The following MRC1 variants were observed in gnomAD, a reference collection of about 807,000 sequenced individuals.
MRC1 encodes the protein macrophage mannose receptor 1.
Under a neutral mutation model 102.9 loss-of-function variants are expected in MRC1, and 62 were observed. The observed-to-expected ratio is 0.60, with a 90% CI of 0.49 to 0.74. The LOEUF is 0.74. Among genes scored for constraint, MRC1 ranks in the 30% least tolerant of loss-of-function variants. MRC1 has a pLI of 0.00. For synonymous variants in MRC1, 457 were observed against 298.4 expected, an observed-to-expected ratio of 1.53 and a Z score of -5.48; for missense variants, 1,237 against 862.8, an observed-to-expected ratio of 1.43 and a Z score of -5.43.
intron 3 of MRC1, among the ~76,000 whole-genome samples, chr10:17,831,874 TAC>T (rs2130609004): frequency 6.6e-6 from 1 of 151,742 alleles, no homozygotes; most frequent in East Asian, 1.9e-4. Flanking sequence ...ATTGGCCGCT[TAC>T]AGAGTACAAC....
At position 17,907,588 on chromosome 10, in the gene MRC1, G is replaced by A; in HGVS notation, c.3968G>A (p.Gly1323Glu). The A allele has an allele frequency of 1.3e-6, 1 of 780,880 alleles. No individual in the cohort carries two copies. Among genetic ancestry groups the A allele is most frequent in the Non-Finnish European group, 2.4e-6 (1 of 417,962 alleles). The allele number at this position is 780,880 out of a possible 1,614,324, so 48.4% of individuals were successfully genotyped here. ...GTCTCCTTTGTCAACTGGAACACAG[G>A]AGATCCCTCTGGTGAACGGAATGAT... Reference protein sequence around the residue: ...SPVSFVNWNTGDPSGERNDCV... With the variant: ...SPVSFVNWNTEDPSGERNDCV... Residue 1323 changes from glycine to glutamate, a missense_variant, in exon 28 of 30, where the codon GGA becomes GAA. Transcript: ENST00000569591.
chr10:17,835,115 C>G (rs932018400), intron 4 of MRC1, among the ~76,000 whole-genome samples: 1 of 152,158 alleles, frequency 6.6e-6, no homozygotes, highest in African/African-American at 2.4e-5. Context: ...TCTTGGATTC[C>G]TTGTTTTTCC....
At chr10:17,852,271 A>G (rs1220039458) in intron 7 of MRC1, among the ~76,000 whole-genome samples, 1 of 152,126 alleles carries the variant, frequency 6.6e-6, no homozygotes, top group Non-Finnish European at 1.5e-5. Context: ...TTTTACCCTC[A>G]TTTGTTATTT....
In MRC1 at chr10:17,863,574, C is replaced by T. The variant is rs1424114951; in HGVS notation, c.1675C>T (p.Pro559Ser). ...AFLTSFVGLR[P>S]EKYFWTGLSD... ...CCTGACTAGTTTCGTTGGCTTAAGGCCTGAAAAATATTTCTGGACAGGACT... is the reference window on the plus strand; with the variant it reads ...CCTGACTAGTTTCGTTGGCTTAAGGTCTGAAAAATATTTCTGGACAGGACT... Residue 559 changes from proline to serine, a missense_variant, in exon 11 of 30, where the codon CCT (proline) becomes TCT (serine). Physicochemically the swap from Pro to Ser is moderately conservative, Grantham distance 74. Transcript: ENST00000569591. The T allele has an allele frequency of 1.9e-5, 15 of 780,648 alleles. No homozygotes were observed. The highest frequency in any genetic ancestry group is 3.4e-5 in the African/African-American group (2 of 59,090). The allele number at this position is 780,648 out of a possible 1,614,324, so 48.4% of individuals were successfully genotyped here.
chr10:17,822,039 T>C (rs922610233), intron 1 of MRC1, among the ~76,000 whole-genome samples: 1 of 152,162 alleles, frequency 6.6e-6, no homozygotes. Flanking sequence ...AATTTTGATT[T>C]AATTAAAGGA....
At chr10:17,883,053 C>T (rs1296774543) in intron 21 of MRC1, among the ~76,000 whole-genome samples, 2 of 152,136 alleles carry the variant, frequency 1.3e-5, no homozygotes, top group African/African-American at 4.8e-5. Context: ...TTCCATGTTT[C>T]ATTTCAAGCT....
intron 5 of MRC1, among the ~76,000 whole-genome samples, chr10:17,841,552 T>A (rs1250557237): frequency 6.6e-6 from 1 of 152,152 alleles, no homozygotes; most frequent in Non-Finnish European, 1.5e-5. Flanking sequence ...ACTAATTATT[T>A]CTACATTGTC....
At chr10:17,877,104 A>G (rs1564622075) in intron 17 of MRC1, among the ~76,000 whole-genome samples, 2 of 149,464 alleles carry the variant, frequency 1.3e-5, no homozygotes, top group East Asian at 3.9e-4. Context: ...AAAATCAAAT[A>G]TATCTATATA....
At chr10:17,906,099 A>G (rs1833891207) in intron 26 of MRC1, among the ~76,000 whole-genome samples, 1 of 152,134 alleles carries the variant, frequency 6.6e-6, no homozygotes, top group African/African-American at 2.4e-5. Flanking sequence ...GGTCCTATAC[A>G]TAACAGCTGG....
At chr10:17,838,975 T>C (rs1218072450) in intron 4 of MRC1, among the ~76,000 whole-genome samples, 8 of 152,218 alleles carry the variant, frequency 5.3e-5, no homozygotes, top group Non-Finnish European at 7.3e-5. Context: ...AACACCCATC[T>C]GCTTTAAGAG....
intron 22 of MRC1, among the ~76,000 whole-genome samples, chr10:17,893,441 G>A (rs1234273130): frequency 6.6e-6 from 1 of 152,196 alleles, no homozygotes; most frequent in Non-Finnish European, 1.5e-5. Flanking sequence ...ACAGGTGTGA[G>A]CCACTGTGCC....
chr10:17,903,454 G>GTGCACCAAT (rs1163567033), intron 26 of MRC1, among the ~76,000 whole-genome samples: 3 of 115,546 alleles, frequency 2.6e-5, no homozygotes, highest in African/African-American at 1.0e-4. Context: ...GGAGTGCATT[G>GTGCACCAAT]GTGCAATCTT....
intron 26 of MRC1, among the ~76,000 whole-genome samples, chr10:17,904,164 G>A (rs886826014): frequency 6.6e-6 from 1 of 152,122 alleles, no homozygotes; most frequent in East Asian, 1.9e-4. Flanking sequence ...AAAAGATAGA[G>A]TTATACATAA....
In MRC1 at chr10:17,827,596, A is replaced by G; in HGVS notation, c.518A>G (p.Lys173Arg). ...GGAGCAACCTGTGCATTCCCGTTCA[A>G]GTTTGAAAACAAGTGGTACGCAGAT... ...ANGATCAFPF[K>R]FENKWYADCT... Residue 173 changes from lysine to arginine, a missense_variant, in exon 3 of 30, where the codon AAG becomes AGG. Transcript: ENST00000569591. 1 of 780,820 alleles carries G rather than the reference A, an allele frequency of 1.3e-6. No individual in the cohort carries two copies. Among genetic ancestry groups the G allele is most frequent in the African/African-American group, 1.7e-5 (1 of 59,240 alleles). The allele number at this position is 780,820 out of a possible 1,614,324, so 48.4% of individuals were successfully genotyped here.
At chr10:17,883,688 A>G (rs1215843147) in intron 21 of MRC1, among the ~76,000 whole-genome samples, 2 of 152,078 alleles carry the variant, frequency 1.3e-5, no homozygotes, top group Admixed American at 6.5e-5. Flanking sequence ...TCTATTTCCT[A>G]TTTATGTTCA....
At chr10:17,833,334 C>T (rs1589168981) in intron 3 of MRC1, among the ~76,000 whole-genome samples, 1 of 151,882 alleles carries the variant, frequency 6.6e-6, no homozygotes, top group East Asian at 1.9e-4. Context: ...TAGCCTGGGC[C>T]ACATAGAGAG....
At chr10:17,848,732 C>T (rs1230883721) in intron 6 of MRC1, among the ~76,000 whole-genome samples, 1 of 152,186 alleles carries the variant, frequency 6.6e-6, no homozygotes, top group Admixed American at 6.5e-5. Context: ...GAAGATCACA[C>T]AACTTACCGC....
intron 5 of MRC1, among the ~76,000 whole-genome samples, chr10:17,842,948 A>G (rs1352891743): frequency 1.3e-5 from 2 of 152,238 alleles, no homozygotes; most frequent in Non-Finnish European, 2.9e-5. Flanking sequence ...AACTAAAATT[A>G]GAGATCTTGT....
intron 8 of MRC1, among the ~76,000 whole-genome samples, chr10:17,853,400 T>C (rs1332322671): frequency 6.6e-6 from 1 of 151,960 alleles, no homozygotes; most frequent in African/African-American, 2.4e-5. Flanking sequence ...TCTATGGCAC[T>C]ATATATGTAC....
Sources: gnomAD v4.1 joint callset for allele counts (sites outside exome capture counted in the v4.1 genomes callset) on GRCh38, gnomAD v4.1.1 for gene constraint, MANE v1.5 for transcripts, NCBI Gene and HGNC (gene_info 2026-07-23, HGNC 2026-07-21) for gene names.